Variants in KIAA1217 observed in about 807,000 individuals in gnomAD.
The protein encoded by KIAA1217 is sickle tail protein homolog.
KIAA1217 carries 88 observed loss-of-function variants against 163.9 expected under a neutral mutation model. That is an observed-to-expected ratio of 0.54 (90% CI 0.45 to 0.64). KIAA1217 has a LOEUF of 0.64. Among genes scored for constraint, KIAA1217 ranks in the 30% least tolerant of loss-of-function variants. KIAA1217 has a pLI of 0.00. For synonymous variants in KIAA1217, 903 were observed against 923.1 expected, an observed-to-expected ratio of 0.98 and a Z score of 0.39; for missense variants, 2,372 against 2,475.0, an observed-to-expected ratio of 0.96 and a Z score of 0.88.
intron 2 of KIAA1217, among the ~76,000 whole-genome samples, chr10:24,366,166 C>T (rs949661050): frequency 6.6e-6 from 1 of 152,058 alleles, no homozygotes; most frequent in Non-Finnish European, 1.5e-5. Flanking sequence ...AAAAATGAGT[C>T]GGATGCAGTG....
chr10:24,111,413 T>G (rs1589537341), intron 2 of KIAA1217, among the ~76,000 whole-genome samples: 2 of 150,406 alleles, frequency 1.3e-5, no homozygotes, highest in African/African-American at 5.0e-5. Flanking sequence ...TAAAAAAAGA[T>G]ATCTCCGTCC....
intron 5 of KIAA1217, among the ~76,000 whole-genome samples, chr10:24,455,394 A>T (rs1384724435): frequency 6.6e-6 from 1 of 152,256 alleles, no homozygotes; most frequent in East Asian, 1.9e-4. Flanking sequence ...ATAACAAAAC[A>T]TCTCTACATT....
intron 2 of KIAA1217, among the ~76,000 whole-genome samples, chr10:24,200,963 G>A (rs1004004498): frequency 2.0e-5 from 3 of 152,040 alleles, no homozygotes; most frequent in Non-Finnish European, 4.4e-5. Flanking sequence ...GGGGCAAGCA[G>A]AAACAATTTT....
At chr10:24,334,888 A>G (rs2046152723) in intron 2 of KIAA1217, among the ~76,000 whole-genome samples, 1 of 152,022 alleles carries the variant, frequency 6.6e-6, no homozygotes, top group South Asian at 2.1e-4. Flanking sequence ...TTGAAGTTGT[A>G]CTCCTGGAAA....
chr10:23,970,362 G>A (rs1354235859), intron 1 of KIAA1217, among the ~76,000 whole-genome samples: 5 of 152,150 alleles, frequency 3.3e-5, no homozygotes, highest in African/African-American at 1.2e-4. Flanking sequence ...GGCAACATTA[G>A]GCTGAAGGAA....
intron 2 of KIAA1217, among the ~76,000 whole-genome samples, chr10:24,125,702 T>G (rs2063450478): frequency 6.6e-6 from 1 of 152,130 alleles, no homozygotes; most frequent in African/African-American, 2.4e-5. Flanking sequence ...TTCTCTCTAT[T>G]TCTAACAGTG....
intron 1 of KIAA1217, among the ~76,000 whole-genome samples, chr10:23,935,707 ATAAT>A (rs1363428447): frequency 1.3e-5 from 2 of 152,268 alleles, no homozygotes; most frequent in African/African-American, 4.8e-5. Flanking sequence ...AAGTTCCTGT[ATAAT>A]TAATTATATA....
Position 24,473,532 on chromosome 10 carries a change from T to C in KIAA1217, c.1151T>C (p.Ile384Thr), listed in dbSNP as rs757659647. The C allele has an allele frequency of 1.1e-5, 17 of 1,613,722 alleles. No individual in the cohort carries two copies. The South Asian group carries it at 1.1e-4, about 10-fold the overall frequency. Residue 384 changes from isoleucine (I) to threonine (T), a missense_variant, in exon 6 of 21, where the codon ATT (isoleucine) becomes ACT (threonine). Coordinates refer to ENST00000376454, the MANE Select transcript of KIAA1217 (RefSeq NM_019590.5). ...KPDEDMSGKN[I>T]AMYRNEGFYA... ...GATGAAGACATGAGTGGCAAAAACA[T>C]TGCAATGTACAGAAATGAGGGTTTC...
At chr10:24,176,589 G>C (rs2065901647) in intron 2 of KIAA1217, among the ~76,000 whole-genome samples, 1 of 152,190 alleles carries the variant, frequency 6.6e-6, no homozygotes, top group Non-Finnish European at 1.5e-5. Flanking sequence ...AGTGCTGATT[G>C]GTGCATTTAC....
chr10:24,160,126 G>T (rs192098468), intron 2 of KIAA1217, among the ~76,000 whole-genome samples: 30 of 152,174 alleles, frequency 2.0e-4, no homozygotes, highest in Admixed American at 9.2e-4. Context: ...AATGCATAAG[G>T]CATGACGTCA....
At position 24,095,076 on chromosome 10, in the gene KIAA1217, A is replaced by C. The variant is rs564452435; in HGVS notation, c.-171+87702A>C. Among the ~76,000 whole-genome samples the C allele has an allele frequency of 5.3e-5, 8 of 152,310 alleles. No homozygotes were observed. The East Asian group carries it at 1.5e-3, about 29-fold the overall frequency. ...TATTCTTCTGATGCGCCGTTTCCTA[A>C]GCCCGTCGGAAAAGCGCAGTATTCA... On this transcript the variant is annotated intron_variant, in intron 2 of 18. Transcript: ENST00000376462.
intron 2 of KIAA1217, among the ~76,000 whole-genome samples, chr10:24,350,841 A>AG (rs1554826015): frequency 4.0e-5 from 6 of 151,494 alleles, no homozygotes; most frequent in Non-Finnish European, 8.8e-5. Context: ...AAAAAAAAAA[A>AG]CAGCTAACTG....
rs540851415 is a variant in KIAA1217, at chr10:23,721,486, T to C, written c.-321+26252T>C. On this transcript the variant is annotated intron_variant, in intron 1 of 18. Coordinates refer to the KIAA1217 transcript ENST00000376462. ...TACTCATAGCATCTTTTTCCTTTTT[T>C]TAAAAAATCATAAACTCCTACAATT... is the stretch of plus-strand genomic sequence containing the variant. Among the ~76,000 whole-genome samples the C allele has an allele frequency of 6.6e-5, 10 of 152,232 alleles. No individual in the cohort carries two copies. The South Asian group carries it at 2.1e-3, about 32-fold the overall frequency.
intron 1 of KIAA1217, among the ~76,000 whole-genome samples, chr10:23,906,149 C>T (rs1842153903): frequency 1.3e-5 from 2 of 152,028 alleles, no homozygotes; most frequent in Non-Finnish European, 2.9e-5. Flanking sequence ...ATGGGCTAAT[C>T]ACCTTTTAAA....
Position 24,494,583 on chromosome 10 carries a change from G to T in KIAA1217, c.1763G>T (p.Ser588Ile). 1 of 1,612,576 alleles carries T rather than the reference G, an allele frequency of 6.2e-7. No individual in the cohort carries two copies. The highest frequency in any genetic ancestry group is 8.5e-7 in the Non-Finnish European group (1 of 1,179,116). Reference protein sequence around the residue: ...QSALFKGPITSYSKDASSEKM... With the variant: ...QSALFKGPITIYSKDASSEKM... ...GCGCTTTTTAAAGGGCCCATTACAA[G>T]TTATAGCAAAGATGCGTCTAGGTAA... Residue 588 changes from serine (S) to isoleucine (I), a missense_variant, in exon 7 of 21, where the codon AGT (serine) becomes ATT (isoleucine). This residue lies in a region of KIAA1217 where 1,431 missense variants were observed against 1,470.3 expected (regional missense o/e 0.97). Transcript: ENST00000376454.
chr10:24,413,022 A>C (rs750271938), intron 3 of KIAA1217, among the ~76,000 whole-genome samples: 8 of 152,178 alleles, frequency 5.3e-5, no homozygotes, highest in Non-Finnish European at 1.2e-4. Context: ...TTCATATCTA[A>C]TCTGATGAGA....
At position 24,543,096 on chromosome 10, in the gene KIAA1217, T is replaced by C. The variant is rs765180746; in HGVS notation, c.3826T>C (p.Leu1276=). ...ASFGFSGISP[L]EDEINKGSKI... ...TTTCGGTTTCTCTGGCATTAGTCCATTAGAAGATGAAATAAACAAAGGGTC... is the reference window on the plus strand; with the variant it reads ...TTTCGGTTTCTCTGGCATTAGTCCACTAGAAGATGAAATAAACAAAGGGTC... Residue 1276 remains leucine, a synonymous_variant, in exon 19 of 21, where the codon TTA becomes CTA. Transcript: ENST00000376454. 1.2e-6 allele frequency: 2 copies of C among 1,613,362 alleles called. No individual in the cohort carries two copies. Among genetic ancestry groups the C allele is most frequent in the Admixed American group, 3.3e-5 (2 of 59,990 alleles).
intron 5 of KIAA1217, among the ~76,000 whole-genome samples, chr10:24,446,420 A>C (rs1376056273): frequency 6.6e-6 from 1 of 152,168 alleles, no homozygotes; most frequent in Non-Finnish European, 1.5e-5. Context: ...AGAAAAGAAA[A>C]GAAAAAGAGT....
intron 2 of KIAA1217, among the ~76,000 whole-genome samples, chr10:24,183,530 C>T (rs551331867): frequency 6.8e-4 from 104 of 152,254 alleles, no homozygotes; most frequent in African/African-American, 2.3e-3. Flanking sequence ...TTATTTGCTG[C>T]GTTTTGAAAA....
Sources: allele counts gnomAD v4.1 joint callset (sites outside exome capture counted in the v4.1 genomes callset), GRCh38; gene constraint gnomAD v4.1.1; regional missense constraint gnomAD v4.1.1; transcripts MANE v1.5; gene names NCBI Gene and HGNC (gene_info 2026-07-23, HGNC 2026-07-21).